Variants in YARS2 observed in about 807,000 individuals in gnomAD.
YARS2 encodes tyrosine--tRNA ligase, mitochondrial.
YARS2 carries 38 observed loss-of-function variants against 45.0 expected under a neutral mutation model. The ratio of observed to expected loss-of-function variants is 0.84; its 90% CI spans 0.65 to 1.11. The LOEUF (loss-of-function observed/expected upper bound fraction) is 1.11, where lower values mean the gene tolerates loss of function less well. Among genes scored for constraint, YARS2 ranks in the 50% least tolerant of loss-of-function variants. The probability of loss-of-function intolerance (pLI) is 0.00; values close to 1 mark genes in which losing one functional copy is unlikely to be tolerated. For missense variants in YARS2, 602 were observed against 599.8 expected (o/e 1.00, Z -0.04); for synonymous variants, 287 against 245.1 (o/e 1.17, Z -1.60).
chr12:32,754,520 A>G (rs1955807535), intron 1 of YARS2, among the ~76,000 whole-genome samples: 1 of 152,110 alleles, frequency 6.6e-6, no homozygotes. Flanking sequence ...GAGTTGAAAA[A>G]ACTTTTTGAG....
chr12:32,749,320 C>T (rs925022587), intron 4 of YARS2, among the ~76,000 whole-genome samples: 1 of 152,118 alleles, frequency 6.6e-6, no homozygotes, highest in Non-Finnish European at 1.5e-5. Flanking sequence ...ATCCCTAAGC[C>T]GTACACTGAT....
At chr12:32,749,439 T>C (rs1955697845) in intron 4 of YARS2, among the ~76,000 whole-genome samples, 1 of 152,214 alleles carries the variant, frequency 6.6e-6, no homozygotes, top group African/African-American at 2.4e-5. Context: ...TGTACTATTA[T>C]AGAAAATATA....
In YARS2 at chr12:32,750,889, A is replaced by C; in HGVS notation, c.948-15T>G. ...GCTTCAGGTACCTTTGAGACAAAAA[A>C]TAAAGAGTTACACTTATATAACATA... On this transcript the variant is annotated splice_polypyrimidine_tract_variant and intron_variant, in intron 2 of 4. Transcript: ENST00000324868. 1 of 1,613,432 alleles carries C rather than the reference A, an allele frequency of 6.2e-7. No homozygotes were observed. The highest frequency in any genetic ancestry group is 8.5e-7 in the Non-Finnish European group (1 of 1,179,938).
At chr12:32,748,044 G>C (rs1955675791) in intron 4 of YARS2, among the ~76,000 whole-genome samples, 2 of 152,206 alleles carry the variant, frequency 1.3e-5, no homozygotes, top group South Asian at 4.1e-4. Context: ...GATCTGAGAA[G>C]ACAGGGCTAC....
In YARS2 at chr12:32,747,167, T is replaced by C. The variant is rs770036853; in HGVS notation, c.*37A>G. ...CTTCAGAGGTCTTGAGAATGAATGATGGGTAAGTTTATTTGGACAACCAGA... is the reference window on the plus strand; with the variant it reads ...CTTCAGAGGTCTTGAGAATGAATGACGGGTAAGTTTATTTGGACAACCAGA... On this transcript the variant is annotated 3_prime_UTR_variant, in exon 5 of 5. Coordinates refer to ENST00000324868, the MANE Select transcript of YARS2 (RefSeq NM_001040436.3). The C allele has an allele frequency of 6.2e-6, 10 of 1,608,016 alleles. No individual in the cohort carries two copies. The highest frequency in any genetic ancestry group is 1.1e-5 in the South Asian group (1 of 90,646).
intron 3 of YARS2, 66 bp downstream of exon 3, chr12:32,750,653 C>T: frequency 1.3e-6 from 2 of 1,596,080 alleles, no homozygotes; most frequent in South Asian, 1.1e-5. Flanking sequence ...AAAACATACT[C>T]CTACTTTTCT....
intron 4 of YARS2, among the ~76,000 whole-genome samples, chr12:32,748,836 G>T (rs574538823): frequency 7.9e-5 from 12 of 152,318 alleles, no homozygotes; most frequent in African/African-American, 2.9e-4. Flanking sequence ...CATAATCATG[G>T]CCATGATATG....
At chr12:32,753,330 T>G (rs1367159447) in intron 2 of YARS2, among the ~76,000 whole-genome samples, 1 of 152,212 alleles carries the variant, frequency 6.6e-6, no homozygotes, top group Non-Finnish European at 1.5e-5. Context: ...ATGGTCTAAC[T>G]CTCCATTTAT....
In YARS2 at chr12:32,755,356, G is replaced by A. The variant is rs771083364; in HGVS notation, c.519C>T (p.Asn173=). The change falls in exon 1 of 5, where the codon AAC becomes AAT. Residue 173 remains asparagine, a synonymous_variant. Coordinates refer to ENST00000324868, the MANE Select transcript of YARS2 (RefSeq NM_001040436.3). ...RSWGSFTVLD[N]SAWYQKQHLV... ...GGTGCTGCTTCTGGTACCAGGCCGA[G>A]TTGTCCAGCACAGTGAAGCTGCCCC... 5 of 1,614,102 alleles carry A rather than the reference G, an allele frequency of 3.1e-6. No individual in the cohort carries two copies. The highest frequency in any genetic ancestry group is 1.1e-5 in the South Asian group (1 of 91,084).
Sources: allele counts gnomAD v4.1 joint callset (sites outside exome capture counted in the v4.1 genomes callset), GRCh38; gene constraint gnomAD v4.1.1; transcripts MANE v1.5; gene names NCBI Gene and HGNC (gene_info 2026-07-23, HGNC 2026-07-21).